BNC2: variants seen among roughly 807,000 people sequenced by gnomAD.
BNC2 encodes basonuclin zinc finger protein 2.
In BNC2, 20 loss-of-function variants were observed where a neutral mutation model predicts 76.3. The observed-to-expected ratio is 0.26, with a 90% CI of 0.18 to 0.38. The LOEUF (loss-of-function observed/expected upper bound fraction) is 0.38. BNC2 is among the 10% of genes least tolerant of loss of function. BNC2 has a pLI of 1.00. For missense variants in BNC2, 1,382 were observed against 1,399.8 expected (o/e 0.99, Z 0.20); for synonymous variants, 582 against 514.8 (o/e 1.13, Z -1.77).
At chr9:16,695,690 C>A (rs951717628) in intron 3 of BNC2, among the ~76,000 whole-genome samples, 6 of 151,972 alleles carry the variant, frequency 3.9e-5, no homozygotes, top group African/African-American at 1.5e-4. Context: ...TTCTCTCTTA[C>A]ACGCATTCTC....
chr9:16,864,317 G>C (rs748036037), intron 1 of BNC2, among the ~76,000 whole-genome samples: 1 of 152,140 alleles, frequency 6.6e-6, no homozygotes, highest in African/African-American at 2.4e-5. Flanking sequence ...ACTGCTAATA[G>C]ATCCATTCAT....
intron 3 of BNC2, among the ~76,000 whole-genome samples, chr9:16,707,936 C>T (rs979892610): frequency 2.6e-5 from 4 of 152,104 alleles, no homozygotes; most frequent in South Asian, 2.1e-4. Flanking sequence ...GCCACCACGC[C>T]GGGCCAAAGT....
chr9:16,802,222 TGAA>T (rs1395322189), intron 1 of BNC2, among the ~76,000 whole-genome samples: 20 of 152,302 alleles, frequency 1.3e-4, no homozygotes, highest in Admixed American at 9.1e-4. Flanking sequence ...TTGAATAGCA[TGAA>T]GAAGAGAGAT....
At chr9:16,781,795 A>T (rs560454814) in intron 1 of BNC2, among the ~76,000 whole-genome samples, 31 of 152,336 alleles carry the variant, frequency 2.0e-4, no homozygotes, top group African/African-American at 7.5e-4. Flanking sequence ...ATTAAAATTG[A>T]TATTTTACAA....
chr9:16,811,035 A>G (rs1218987402), intron 1 of BNC2, among the ~76,000 whole-genome samples: 2 of 151,792 alleles, frequency 1.3e-5, no homozygotes, highest in Admixed American at 6.6e-5. Flanking sequence ...TGGCTAACAC[A>G]GTGAAACCCC....
At chr9:16,460,205 T>C (rs534958720) in intron 5 of BNC2, among the ~76,000 whole-genome samples, 1 of 151,878 alleles carries the variant, frequency 6.6e-6, no homozygotes, top group Non-Finnish European at 1.5e-5. Context: ...CAGTAAAAGA[T>C]CACTGTTATT....
intron 3 of BNC2, among the ~76,000 whole-genome samples, chr9:16,602,569 T>G (rs1388197167): frequency 1.3e-5 from 2 of 152,182 alleles, no homozygotes; most frequent in Non-Finnish European, 2.9e-5. Flanking sequence ...ACCCCCTCAG[T>G]GCTCCCCACT....
chr9:16,481,325 C>A (rs1311985354), intron 5 of BNC2, among the ~76,000 whole-genome samples: 1 of 152,102 alleles, frequency 6.6e-6, no homozygotes. Context: ...CGCTCGGGTC[C>A]CCTTCCACAT....
intron 3 of BNC2, among the ~76,000 whole-genome samples, chr9:16,679,210 GC>G: frequency 6.6e-6 from 1 of 151,972 alleles, no homozygotes; most frequent in East Asian, 1.9e-4. Context: ...GCTTCTTTCT[GC>G]CCATCCACCT....
chr9:16,788,008 C>T (rs1586884212), intron 1 of BNC2, among the ~76,000 whole-genome samples: 1 of 152,116 alleles, frequency 6.6e-6, no homozygotes, highest in Non-Finnish European at 1.5e-5. Flanking sequence ...AATTCCATCA[C>T]ATTTGGTTCA....
At chr9:16,633,573 T>C (rs1045126825) in intron 3 of BNC2, among the ~76,000 whole-genome samples, 7 of 152,232 alleles carry the variant, frequency 4.6e-5, no homozygotes, top group Admixed American at 2.0e-4. Flanking sequence ...TATACCAATA[T>C]ATTCTTGGTT....
chr9:16,435,876 T>G lies in BNC2; in HGVS notation c.2318A>C (p.Lys773Thr). The G allele has an allele frequency of 6.2e-7, 1 of 1,613,830 alleles. No homozygotes were observed. Among genetic ancestry groups the G allele is most frequent in the Non-Finnish European group, 8.5e-7 (1 of 1,179,734 alleles). ...HSEPSHQDVI[K>T]VKEEFTDPTY... ...GGGGTCTGTAAATTCTTCCTTCACC[T>G]TGATGACGTCCTGGTGAGAGGGCTC... is the stretch of plus-strand genomic sequence containing the variant. The change falls in exon 6 of 7, where the codon AAG becomes ACG. Residue 773 changes from lysine (K) to threonine (T), a missense_variant. This residue lies in a region of BNC2 where 798 missense variants were observed against 775.5 expected (regional missense o/e 1.03). Coordinates refer to ENST00000380672, the MANE Select transcript of BNC2 (RefSeq NM_017637.6).
intron 1 of BNC2, among the ~76,000 whole-genome samples, chr9:16,805,690 T>C (rs1158077173): frequency 6.8e-6 from 1 of 147,384 alleles, no homozygotes; most frequent in African/African-American, 2.6e-5. Context: ...ATTAAAGTAC[T>C]TACATGTATA....
intron 5 of BNC2, among the ~76,000 whole-genome samples, chr9:16,453,409 C>T (rs1314999681): frequency 1.3e-5 from 2 of 152,188 alleles, no homozygotes; most frequent in East Asian, 3.9e-4. Flanking sequence ...TCCTCTCCTA[C>T]TTTATTTCCC....
chr9:16,665,434 A>AAAGGAAAG (rs1440071746), intron 3 of BNC2, among the ~76,000 whole-genome samples: 3 of 116,166 alleles, frequency 2.6e-5, no homozygotes, highest in Non-Finnish European at 1.7e-5. Flanking sequence ...GAAAGGAAAG[A>AAAGGAAAG]AAAGAAAGAA....
At chr9:16,420,156 T>C (rs1240320965) in intron 6 of BNC2, among the ~76,000 whole-genome samples, 4 of 152,138 alleles carry the variant, frequency 2.6e-5, no homozygotes. Flanking sequence ...TTTAAAAAAG[T>C]AGCCTAGATA....
chr9:16,546,636 T>C (rs1421481577), intron 5 of BNC2, among the ~76,000 whole-genome samples: 1 of 152,078 alleles, frequency 6.6e-6, no homozygotes, highest in Non-Finnish European at 1.5e-5. Context: ...TATCAGGAAA[T>C]AGGCAAGAAA....
At chr9:16,455,446 G>T (rs1478997180) in intron 5 of BNC2, among the ~76,000 whole-genome samples, 2 of 152,158 alleles carry the variant, frequency 1.3e-5, no homozygotes, top group African/African-American at 4.8e-5. Context: ...GGGGAGTAGG[G>T]GAAAGCACAG....
At chr9:16,521,209 C>T (rs1451872503) in intron 5 of BNC2, among the ~76,000 whole-genome samples, 2 of 152,076 alleles carry the variant, frequency 1.3e-5, no homozygotes, top group African/African-American at 4.8e-5. Context: ...TTGGAAGAGA[C>T]CAGGAAAGGT....
Sources: gnomAD v4.1 joint callset for allele counts (sites outside exome capture counted in the v4.1 genomes callset) on GRCh38, gnomAD v4.1.1 for gene constraint, gnomAD v4.1.1 regional missense constraint, MANE v1.5 for transcripts, NCBI Gene and HGNC (gene_info 2026-07-23, HGNC 2026-07-21) for gene names.